Variants in TRPM7 observed in about 807,000 individuals in gnomAD.
TRPM7 encodes transient receptor potential cation channel subfamily M member 7.
A neutral mutation model predicts 229.7 loss-of-function variants in TRPM7; 134 were observed. The ratio of observed to expected loss-of-function variants is 0.58; its 90% confidence interval spans 0.51 to 0.67. TRPM7 has a LOEUF of 0.67. Ranked by LOEUF, TRPM7 falls within the 30% of genes least tolerant of loss-of-function variation. The pLI, the probability that TRPM7 is intolerant of heterozygous loss-of-function variation, is 0.00. For missense variants in TRPM7, 1,901 were observed against 2,210.0 expected (o/e 0.86, Z 2.80); for synonymous variants, 699 against 715.2 (o/e 0.98, Z 0.36).
rs758386961 is a variant in TRPM7, at chr15:50,612,812, T to A, written c.1788A>T (p.Glu596Asp). ...PYRPKIDTVMEEGKKKRTKDE... is the reference protein window; with the variant it reads ...PYRPKIDTVMDEGKKKRTKDE... ...CTTTGGTTCTTTTCTTCTTTCCTTCTTCCATAACTGTATCAATCTTCCAGG... is the reference window on the plus strand; with the variant it reads ...CTTTGGTTCTTTTCTTCTTTCCTTCATCCATAACTGTATCAATCTTCCAGG... Residue 596 changes from glutamate (E) to aspartate (D), a missense_variant, in exon 16 of 39, where the codon GAA becomes GAT. Transcript: ENST00000646667. The A allele has an allele frequency of 6.2e-7, 1 of 1,612,364 alleles. No homozygotes were observed. Among genetic ancestry groups the A allele is most frequent in the African/African-American group, 1.3e-5 (1 of 74,786 alleles).
At chr15:50,675,502 T>A (rs573972114) in intron 1 of TRPM7, among the ~76,000 whole-genome samples, 24 of 152,264 alleles carry the variant, frequency 1.6e-4, no homozygotes, top group Non-Finnish European at 2.4e-4. Flanking sequence ...CCTTCACTTG[T>A]TACACAGGAA....
intron 8 of TRPM7, among the ~76,000 whole-genome samples, chr15:50,633,341 A>G (rs1217079815): frequency 6.6e-6 from 1 of 152,234 alleles, no homozygotes; most frequent in East Asian, 1.9e-4. Flanking sequence ...AGGAACTCAC[A>G]TTTTTCTTTT....
At chr15:50,630,376 G>C (rs2060696112) in intron 10 of TRPM7, among the ~76,000 whole-genome samples, 1 of 152,000 alleles carries the variant, frequency 6.6e-6, no homozygotes, top group Admixed American at 6.6e-5. Context: ...CTCTTAATGT[G>C]CTGGGCTCCT....
intron 1 of TRPM7, among the ~76,000 whole-genome samples, chr15:50,680,411 A>G: frequency 6.6e-6 from 1 of 151,930 alleles, no homozygotes; most frequent in Non-Finnish European, 1.5e-5. Context: ...TAAAAATAAA[A>G]ACACAAAAAG....
intron 1 of TRPM7, among the ~76,000 whole-genome samples, chr15:50,673,649 T>TATATAC (rs908893791): frequency 7.9e-5 from 12 of 152,050 alleles, no homozygotes; most frequent in African/African-American, 2.9e-4. Context: ...TATATATATA[T>TATATAC]ACCACAGTTT....
At chr15:50,611,412 T>C (rs766719022) in intron 16 of TRPM7, 91 bp from the exon 17 acceptor site, 9 of 917,838 alleles carry the variant, frequency 9.8e-6, no homozygotes, top group Non-Finnish European at 1.5e-5. Flanking sequence ...TCCTACTTTT[T>C]AATATTCTCA....
chr15:50,682,562 G>A (rs1326928066), intron 1 of TRPM7, among the ~76,000 whole-genome samples: 3 of 149,720 alleles, frequency 2.0e-5, no homozygotes, highest in Non-Finnish European at 4.4e-5. Flanking sequence ...GGCGACAAGA[G>A]GGAAACTCCA....
At chr15:50,574,773 A>G (rs2054056298) in intron 34 of TRPM7, 54 bp from the exon 35 acceptor site, 5 of 1,587,648 alleles carry the variant, frequency 3.1e-6, no homozygotes, top group Non-Finnish European at 4.3e-6. Context: ...CTAAGATTAT[A>G]TTTGGCTTAT....
chr15:50,615,629 T>C (rs2060202687), intron 13 of TRPM7, among the ~76,000 whole-genome samples: 1 of 152,156 alleles, frequency 6.6e-6, no homozygotes, highest in Non-Finnish European at 1.5e-5. Flanking sequence ...TTGTTTTTTT[T>C]AATGTCTGTA....
intron 15 of TRPM7, among the ~76,000 whole-genome samples, chr15:50,613,501 CAA>C (rs67505794): frequency 0.18 from 11,087 of 61,486 alleles, 212 homozygotes; most frequent in Middle Eastern, 0.38. Context: ...ACTCCTGTCT[CAA>C]AAAAAAAAAA....
intron 23 of TRPM7, among the ~76,000 whole-genome samples, 167 bp downstream of exon 23, chr15:50,596,088 C>G (rs2059623067): frequency 6.6e-6 from 1 of 152,022 alleles, no homozygotes; most frequent in African/African-American, 2.4e-5. Context: ...AAATTTAGAA[C>G]TCATTTGATT....
chr15:50,595,007 G>T (rs558105596), intron 23 of TRPM7, among the ~76,000 whole-genome samples: 1 of 151,938 alleles, frequency 6.6e-6, no homozygotes, highest in Non-Finnish European at 1.5e-5. Context: ...AGTTCAAGAC[G>T]AGCCTGGGCA....
intron 1 of TRPM7, among the ~76,000 whole-genome samples, chr15:50,672,320 T>C (rs551442923): frequency 7.9e-5 from 12 of 152,094 alleles, no homozygotes; most frequent in African/African-American, 2.9e-4. Context: ...CCTCCCAAAG[T>C]GCTAGGATTA....
chr15:50,609,487 C>T, intron 19 of TRPM7, 94 bp downstream of exon 19: 1 of 1,232,930 alleles, frequency 8.1e-7, no homozygotes, highest in Admixed American at 3.0e-5. Flanking sequence ...TTTCAGTGAT[C>T]TAAGTTATAT....
chr15:50,561,819 C>T lies in TRPM7; in HGVS notation c.5468-11G>A, dbSNP rs2053323145. 2.0e-6 allele frequency: 3 copies of T among 1,509,848 alleles called. No individual in the cohort carries two copies. Among genetic ancestry groups the T allele is most frequent in the East Asian group, 2.4e-5 (1 of 42,070 alleles). 93.5% of individuals were successfully genotyped at this position (1,509,848 alleles called of 1,614,324 possible). On this transcript the variant is annotated splice_polypyrimidine_tract_variant and intron_variant, in intron 38 of 38. Transcript: ENST00000646667. ...CATTCCTCTTCAGATCTACATTGAA[C>T]ACCCACAACAATTAAAAAAAAAAAA...
In TRPM7 at chr15:50,686,751, A is replaced by C; in HGVS notation, c.-218T>G. ...GACCAACTCCTCCGGGTGACTGGCC[A>C]CAGGGACGCGCCCGCGCCCGCCTCC... On this transcript the variant is annotated 5_prime_UTR_variant, in exon 1 of 39. Transcript: ENST00000646667. The C allele has an allele frequency of 1.8e-6, 1 of 544,436 alleles. No homozygotes were observed. The allele number at this position is 544,436 out of a possible 1,614,324, so 33.7% of individuals were successfully genotyped here.
intron 11 of TRPM7, among the ~76,000 whole-genome samples, chr15:50,626,667 G>T (rs2140606059): frequency 6.6e-6 from 1 of 152,050 alleles, no homozygotes; most frequent in East Asian, 1.9e-4. Flanking sequence ...TTATTCAAGG[G>T]AAAAATAAGG....
intron 5 of TRPM7, among the ~76,000 whole-genome samples, chr15:50,641,680 A>G (rs2061104913): frequency 6.6e-6 from 1 of 152,190 alleles, no homozygotes; most frequent in Non-Finnish European, 1.5e-5. Flanking sequence ...AGCAGCCTCA[A>G]AAACTTCTGA....
At chr15:50,673,634 G>A (rs1001994279) in intron 1 of TRPM7, among the ~76,000 whole-genome samples, 26 of 150,430 alleles carry the variant, frequency 1.7e-4, no homozygotes, top group African/African-American at 5.6e-4. Context: ...GTATTCCCTC[G>A]TATATATATA....
Sources: allele counts gnomAD v4.1 joint callset (sites outside exome capture counted in the v4.1 genomes callset), GRCh38; gene constraint gnomAD v4.1.1; transcripts MANE v1.5; gene names NCBI Gene and HGNC (gene_info 2026-07-23, HGNC 2026-07-21).